CELF2: variants seen among roughly 807,000 people sequenced by gnomAD.
The protein encoded by CELF2 is CUGBP Elav-like family member 2.
In CELF2, 8 loss-of-function variants were observed where a neutral mutation model predicts 62.6. That is an observed-to-expected ratio of 0.13 (90% CI 0.07 to 0.23). The LOEUF (loss-of-function observed/expected upper bound fraction) is 0.23, where lower values mean the gene tolerates loss of function less well. Ranked by LOEUF, CELF2 falls within the 10% of genes least tolerant of loss-of-function variation. CELF2 has a pLI of 1.00. For missense variants in CELF2, 333 were observed against 671.0 expected, an observed-to-expected ratio of 0.50 and a Z score of 5.56; for synonymous variants, 258 against 250.0, an observed-to-expected ratio of 1.03 and a Z score of -0.30.
At chr10:10,788,114 T>C in the CELF2 span, among the ~76,000 whole-genome samples, 1 of 152,026 alleles carries the variant, frequency 6.6e-6, no homozygotes, top group African/African-American at 2.4e-5. Flanking sequence ...GGGAGAAAAA[T>C]TAGACAAATT....
At chr10:11,059,524 A>G (rs2066195596) in intron 1 of CELF2, among the ~76,000 whole-genome samples, 1 of 152,210 alleles carries the variant, frequency 6.6e-6, no homozygotes, top group African/African-American at 2.4e-5. Context: ...TTGAAGGAGA[A>G]TTCTGGTGAG....
chr10:10,664,168 T>C, the CELF2 span, among the ~76,000 whole-genome samples: 5 of 152,160 alleles, frequency 3.3e-5, no homozygotes, highest in Non-Finnish European at 5.9e-5. Context: ...GAAGCTAGAT[T>C]TTCTCAGCAA....
Position 11,297,254 on chromosome 10 carries a change from A to G in CELF2, c.976+8702A>G, listed in dbSNP as rs2093288873. On this transcript the variant is annotated intron_variant, in intron 9 of 12. Transcript: ENST00000633077. The surrounding 1 kb of genome is among the most constrained non-coding windows in gnomAD (Gnocchi z 4.4). Reference sequence around the variant, plus strand: ...TGCACATGAACGGACATTCCGTGAAATGTGTCCAGCAGCAGTTGGATGTGT... The same window carrying G: ...TGCACATGAACGGACATTCCGTGAAGTGTGTCCAGCAGCAGTTGGATGTGT... Among the ~76,000 whole-genome samples the G allele has an allele frequency of 6.6e-6, 1 of 152,154 alleles. No homozygotes were observed. Among genetic ancestry groups the G allele is most frequent in the Admixed American group, 6.5e-5 (1 of 15,274 alleles).
chr10:10,576,545 CAAT>C, the CELF2 span, among the ~76,000 whole-genome samples: 1 of 152,126 alleles, frequency 6.6e-6, no homozygotes, highest in Non-Finnish European at 1.5e-5. Context: ...GGTACCACAA[CAAT>C]AACTCTACTT....
intron 2 of CELF2, among the ~76,000 whole-genome samples, chr10:11,209,031 C>A (rs925219357): frequency 2.0e-5 from 3 of 152,200 alleles, no homozygotes; most frequent in Non-Finnish European, 4.4e-5. Context: ...AGCAGTACAA[C>A]ACAGATATGT....
chr10:10,942,929 G>A (rs1281993755), intron 2 of CELF2, among the ~76,000 whole-genome samples: 1 of 152,208 alleles, frequency 6.6e-6, no homozygotes, highest in African/African-American at 2.4e-5. Flanking sequence ...CAGTCCCATT[G>A]TGGCCAAAAA....
the CELF2 span, among the ~76,000 whole-genome samples, chr10:10,504,027 A>G: frequency 6.6e-6 from 1 of 152,160 alleles, no homozygotes; most frequent in East Asian, 1.9e-4. Context: ...TCCTCTTACA[A>G]CACCCCTGTT....
the CELF2 span, among the ~76,000 whole-genome samples, chr10:10,724,039 T>C: frequency 6.6e-6 from 1 of 152,226 alleles, no homozygotes; most frequent in Admixed American, 6.5e-5. Flanking sequence ...ATTCTTCACA[T>C]TTATGTATCA....
At chr10:10,978,786 C>A (rs898100308) in intron 2 of CELF2, among the ~76,000 whole-genome samples, 4 of 152,154 alleles carry the variant, frequency 2.6e-5, no homozygotes, top group Non-Finnish European at 4.4e-5. Context: ...AGAAAACAGG[C>A]AGATCTTTGA....
intron 1 of CELF2, among the ~76,000 whole-genome samples, chr10:10,883,832 G>A (rs1259044729): frequency 6.6e-6 from 1 of 152,066 alleles, no homozygotes; most frequent in African/African-American, 2.4e-5. Context: ...TCTGCTACTA[G>A]CATTGAACAG....
At chr10:10,785,122 T>A in the CELF2 span, among the ~76,000 whole-genome samples, 1 of 152,348 alleles carries the variant, frequency 6.6e-6, no homozygotes. Context: ...TGCATTTCAC[T>A]CAAGTTTGAG....
chr10:11,096,122 CAATGCAGAGGA>C lies in CELF2; in HGVS notation c.75-69357_75-69347del, dbSNP rs567013002. On this transcript the variant is annotated intron_variant, in intron 1 of 12. Coordinates refer to ENST00000633077, the MANE Select transcript of CELF2 (RefSeq NM_001326342.2). Reference sequence around the variant, plus strand: ...CATTTATTTGAAGCGCATTATGCACCAATGCAGAGGAAATGCATTTACTTCTACCTCTGAAC... The same window carrying C: ...CATTTATTTGAAGCGCATTATGCACCAATGCATTTACTTCTACCTCTGAAC... 1.3e-3 allele frequency among the ~76,000 whole-genome samples: 204 copies of C among 152,248 alleles called. 2 individuals are homozygous for C. In the South Asian group the frequency reaches 0.017, roughly 13 times the overall value.
chr10:10,945,737 T>G (rs1020280079), intron 2 of CELF2, among the ~76,000 whole-genome samples: 3 of 152,144 alleles, frequency 2.0e-5, no homozygotes, highest in Non-Finnish European at 4.4e-5. Flanking sequence ...GTGGTACCAT[T>G]GATCCCACAC....
At chr10:10,476,291 G>A in the CELF2 span, among the ~76,000 whole-genome samples, 1 of 152,090 alleles carries the variant, frequency 6.6e-6, no homozygotes, top group African/African-American at 2.4e-5. Flanking sequence ...TCAGTCACAC[G>A]GTGTGAATTA....
At chr10:11,239,170 C>T (rs550208055) in intron 3 of CELF2, among the ~76,000 whole-genome samples, 1 of 152,232 alleles carries the variant, frequency 6.6e-6, no homozygotes, top group Admixed American at 6.5e-5. Context: ...TCTAGTTTTC[C>T]TGCAATATTT....
chr10:10,973,294 AG>A (rs1311234497), intron 2 of CELF2, among the ~76,000 whole-genome samples: 1 of 151,948 alleles, frequency 6.6e-6, no homozygotes, highest in East Asian at 1.9e-4. Context: ...AAAACAAAAC[AG>A]AAAACAAAAA....
intron 2 of CELF2, among the ~76,000 whole-genome samples, chr10:11,179,983 CT>C (rs2072751175): frequency 6.6e-6 from 1 of 152,214 alleles, no homozygotes; most frequent in African/African-American, 2.4e-5. Context: ...GCCCCCTAGT[CT>C]TCTCTGTCAG....
chr10:11,216,245 C>T (rs1457606453), intron 2 of CELF2, among the ~76,000 whole-genome samples: 1 of 152,202 alleles, frequency 6.6e-6, no homozygotes, highest in East Asian at 1.9e-4. Flanking sequence ...TCAAATTTCT[C>T]TTCCAAACGA....
intron 1 of CELF2, 78 bp downstream of exon 1, chr10:11,018,241 C>T: frequency 3.1e-6 from 4 of 1,277,520 alleles, no homozygotes; most frequent in Non-Finnish European, 4.2e-6. Flanking sequence ...GGACGGGCGT[C>T]GCCCGCAGCT....
Sources: allele counts gnomAD v4.1 joint callset (sites outside exome capture counted in the v4.1 genomes callset), GRCh38; gene constraint gnomAD v4.1.1; non-coding constraint Gnocchi (gnomAD v3.1); transcripts MANE v1.5; gene names NCBI Gene and HGNC (gene_info 2026-07-23, HGNC 2026-07-21).